LGMN: variants seen among roughly 807,000 people sequenced by gnomAD.
LGMN encodes the protein legumain.
LGMN carries 36 observed loss-of-function variants against 56.8 expected under a neutral mutation model. The ratio of observed to expected loss-of-function variants is 0.63; its 90% CI spans 0.49 to 0.84. The LOEUF is 0.84. Among genes scored for constraint, LGMN ranks in the 40% least tolerant of loss-of-function variants. LGMN has a pLI of 0.00. For synonymous variants in LGMN, 199 were observed against 210.1 expected, an observed-to-expected ratio of 0.95 and a Z score of 0.46; for missense variants, 446 against 556.1, an observed-to-expected ratio of 0.80 and a Z score of 1.99.
intron 12 of LGMN, chr14:92,706,280 C>T: frequency 2.3e-6 from 1 of 432,114 alleles, no homozygotes; most frequent in East Asian, 3.4e-5. Context: ...GTAAACTCTC[C>T]TACCCACTGG....
chr14:92,742,292 CT>C (rs756259014), intron 1 of LGMN, among the ~76,000 whole-genome samples: 17 of 83,990 alleles, frequency 2.0e-4, no homozygotes, highest in Non-Finnish European at 2.5e-4. Context: ...TTTTGTTTTG[CT>C]TTTTTTTTTT....
intron 2 of LGMN, among the ~76,000 whole-genome samples, chr14:92,729,727 C>A (rs140269798): frequency 6.6e-6 from 1 of 152,134 alleles, no homozygotes; most frequent in African/African-American, 2.4e-5. Context: ...CTGTGGAGAC[C>A]GTTCTTTTGA....
chr14:92,719,359 A>G (rs1344218780), intron 2 of LGMN, among the ~76,000 whole-genome samples: 33 of 128,402 alleles, frequency 2.6e-4, no homozygotes, highest in Admixed American at 5.3e-4. Context: ...CACCACCAAC[A>G]CCACCACCAC....
chr14:92,704,346 C>A lies in LGMN; in HGVS notation c.1275G>T (p.Met425Ile). Residue 425 changes from methionine (M) to isoleucine (I), a missense_variant, in exon 14 of 14, where the codon ATG (methionine) becomes ATT (isoleucine). Coordinates refer to ENST00000334869, the MANE Select transcript of LGMN (RefSeq NM_005606.7). ...PYPLHRIKLS[M>I]DHVCLGHY ...AGTAGTGACCAAGGCACACGTGGTC[C>A]ATGGACAATTTTATCCTGCGAGAGA... is the stretch of plus-strand genomic sequence containing the variant. 6.2e-7 allele frequency: 1 copy of A among 1,610,684 alleles called. No individual in the cohort carries two copies. Among genetic ancestry groups the A allele is most frequent in the East Asian group, 2.2e-5 (1 of 44,764 alleles).
At chr14:92,715,283 A>G (rs1288765463) in intron 5 of LGMN, among the ~76,000 whole-genome samples, 1 of 150,920 alleles carries the variant, frequency 6.6e-6, no homozygotes, top group African/African-American at 2.4e-5. Context: ...CAGTGGCACA[A>G]TCTTGCCTCA....
intron 1 of LGMN, among the ~76,000 whole-genome samples, chr14:92,736,679 C>G (rs1425394618): frequency 6.6e-6 from 1 of 152,016 alleles, no homozygotes; most frequent in East Asian, 1.9e-4. Context: ...AGGACCTTTC[C>G]TGGGTCTGTT....
At chr14:92,747,658 C>T (rs1010211031) in intron 1 of LGMN, among the ~76,000 whole-genome samples, 1 of 152,178 alleles carries the variant, frequency 6.6e-6, no homozygotes, top group African/African-American at 2.4e-5. Flanking sequence ...GATTGTCTCT[C>T]CCCTTTATGA....
At chr14:92,712,900 A>T (rs760033498) in intron 7 of LGMN, 29 bp from the exon 8 acceptor site, 1 of 1,606,316 alleles carries the variant, frequency 6.2e-7, no homozygotes, top group East Asian at 2.2e-5. Flanking sequence ...AGGTGAGCTC[A>T]CCCCATCCAG....
Position 92,717,415 on chromosome 14 carries a change from C to G in LGMN, c.283G>C (p.Val95Leu), listed in dbSNP as rs753232604. ...TAGTCCTTCGGGACTCCCTGATAGA[C>G]ATCTGTGCCATTGGGCCTGTTGATC... ...IVINRPNGTD[V>L]YQGVPKDYTG... is the part of the protein sequence containing the mutation. Residue 95 changes from valine (V) to leucine (L), a missense_variant, in exon 4 of 14, where the codon GTC (valine) becomes CTC (leucine). By Grantham distance (32) the Val-to-Leu change is conservative (BLOSUM62 1). Transcript: ENST00000334869. 2 of 1,613,500 alleles carry G rather than the reference C, an allele frequency of 1.2e-6. No homozygotes were observed. The highest frequency in any genetic ancestry group is 1.7e-5 in the Admixed American group (1 of 60,004).
In LGMN at chr14:92,718,811, G is replaced by A. The variant is rs762038466; in HGVS notation, c.172C>T (p.Arg58Cys). The change falls in exon 3 of 14, where the codon CGC becomes TGC. Residue 58 changes from arginine to cysteine, a missense_variant. Transcript: ENST00000334869. ...DACHAYQIIH[R>C]NGIPDEQIVV... is the part of the protein sequence containing the mutation. The stretch of plus-strand genomic sequence containing the variant: ...ATCTGTTCGTCAGGAATCCCATTGC[G>A]GTGAATGATCTGGTAGGCATGGCAC... The A allele has an allele frequency of 3.2e-5, 52 of 1,613,030 alleles. No homozygotes were observed. Among genetic ancestry groups the A allele is most frequent in the South Asian group, 1.4e-4 (13 of 91,036 alleles).
At chr14:92,718,508 A>T (rs1447955501) in intron 3 of LGMN, among the ~76,000 whole-genome samples, 1 of 152,008 alleles carries the variant, frequency 6.6e-6, no homozygotes, top group Non-Finnish European at 1.5e-5. Context: ...CAGGAAGTGG[A>T]GGTTGCAGTG....
intron 1 of LGMN, among the ~76,000 whole-genome samples, chr14:92,743,635 T>C (rs1308809508): frequency 1.3e-5 from 2 of 151,756 alleles, no homozygotes; most frequent in African/African-American, 4.8e-5. Context: ...ACCCCATCTC[T>C]ACTAAAAATA....
At chr14:92,742,654 A>C (rs1891613462) in intron 1 of LGMN, among the ~76,000 whole-genome samples, 1 of 152,172 alleles carries the variant, frequency 6.6e-6, no homozygotes, top group Non-Finnish European at 1.5e-5. Flanking sequence ...CCAGCTACTT[A>C]GGAGGCTGAG....
chr14:92,704,417 G>A, intron 13 of LGMN, 56 bp from the exon 14 acceptor site: 2 of 1,432,116 alleles, frequency 1.4e-6, no homozygotes, highest in Non-Finnish European at 2.0e-6. Context: ...AAGAAAGGCA[G>A]ACAAACGCAA....
rs1215353858 is a variant in LGMN, at chr14:92,704,102, T to A, written c.*217A>T. 1 of 709,592 alleles carries A rather than the reference T, an allele frequency of 1.4e-6. No homozygotes were observed. The highest frequency in any genetic ancestry group is 1.7e-5 in the African/African-American group (1 of 57,380). 44.0% of individuals were successfully genotyped at this position (709,592 alleles called of 1,614,324 possible). ...AATATGACCCTTCTCAATACAGAGC[T>A]TTTCCCACCCTAATTTGTAGTTTTT... On this transcript the variant is annotated 3_prime_UTR_variant, in exon 14 of 14. Coordinates refer to ENST00000334869, the MANE Select transcript of LGMN (RefSeq NM_005606.7).
chr14:92,735,866 G>A (rs148293403), intron 1 of LGMN, among the ~76,000 whole-genome samples: 3,639 of 151,920 alleles, frequency 0.024, 144 homozygotes, highest in African/African-American at 0.082. Flanking sequence ...TGGAGTGCTG[G>A]GGACCCCCAG....
At chr14:92,718,719 C>G (rs767598220) in intron 3 of LGMN, 28 bp downstream of exon 3, 2 of 1,484,066 alleles carry the variant, frequency 1.3e-6, no homozygotes, top group South Asian at 2.3e-5. Context: ...AGTCCTTCCC[C>G]ACCAAGTTCC....
intron 3 of LGMN, 99 bp from the exon 4 acceptor site, chr14:92,717,560 A>C: frequency 1.1e-6 from 1 of 880,556 alleles, no homozygotes; most frequent in East Asian, 2.5e-5. Flanking sequence ...GTAAACGTCT[A>C]TGTTGGTCAA....
At chr14:92,719,344 GCCACCACCA>G (rs1252042295) in intron 2 of LGMN, among the ~76,000 whole-genome samples, 777 of 74,462 alleles carry the variant, frequency 0.01, 24 homozygotes, top group African/African-American at 0.042. Flanking sequence ...CGCCATCACC[GCCACCACCA>G]CCAACACCAC....
Sources: gnomAD v4.1 joint callset for allele counts (sites outside exome capture counted in the v4.1 genomes callset) on GRCh38, gnomAD v4.1.1 for gene constraint, MANE v1.5 for transcripts, NCBI Gene and HGNC (gene_info 2026-07-23, HGNC 2026-07-21) for gene names.